ACSL3: variants seen among roughly 807,000 people sequenced by gnomAD.
ACSL3 encodes the protein fatty acid CoA ligase Acsl3.
In ACSL3, 34 loss-of-function variants were observed where a neutral mutation model predicts 84.7. The ratio of observed to expected loss-of-function variants is 0.40; its 90% CI spans 0.31 to 0.53. The LOEUF (loss-of-function observed/expected upper bound fraction) is 0.53. Ranked by LOEUF, ACSL3 falls within the 20% of genes least tolerant of loss-of-function variation. The pLI is 0.48. For missense variants in ACSL3, 680 were observed against 873.1 expected (o/e 0.78, Z 2.79); for synonymous variants, 315 against 299.4 (o/e 1.05, Z -0.54).
At chr2:222,903,666 A>C (rs1466577094) in intron 3 of ACSL3, among the ~76,000 whole-genome samples, 2 of 152,356 alleles carry the variant, frequency 1.3e-5, no homozygotes, top group Admixed American at 6.5e-5. Context: ...CAATGGAATA[A>C]ATTTAAACTA....
Position 222,928,120 on chromosome 2 carries a change from T to C in ACSL3, c.1466-742T>C, listed in dbSNP as rs77632570. 6.4e-4 allele frequency among the ~76,000 whole-genome samples: 98 copies of C among 152,380 alleles called. 3 individuals carry two copies. The East Asian group carries it at 0.017, about 27-fold the overall frequency. The stretch of plus-strand genomic sequence containing the variant: ...ATGTTAAATATCAGCCTTTCATTTC[T>C]GATATTTGGTCTTTGAAGAGGAAAC... On this transcript the variant is annotated intron_variant, in intron 12 of 16. Coordinates refer to ENST00000357430, the MANE Select transcript of ACSL3 (RefSeq NM_004457.5).
At position 222,907,116 on chromosome 2, in the gene ACSL3, G is replaced by T. The variant is rs75028057; in HGVS notation, c.-40-1617G>T. ...TTATAGTTATATCTGTTCTGTGAGT[G>T]GTCTACTAGGCCATCAATGTACCCA... On this transcript the variant is annotated intron_variant, in intron 3 of 16. Transcript: ENST00000357430. 3.1e-3 allele frequency among the ~76,000 whole-genome samples: 471 copies of T among 152,242 alleles called. 3 individuals carry two copies. Among genetic ancestry groups the T allele is most frequent in the African/African-American group, 0.011 (457 of 41,540 alleles).
chr2:222,910,479 T>C (rs903605341), intron 4 of ACSL3, among the ~76,000 whole-genome samples: 7 of 152,170 alleles, frequency 4.6e-5, no homozygotes, highest in African/African-American at 1.7e-4. Context: ...TCCAAATAAC[T>C]GCAACTATGG....
At position 222,944,281 on chromosome 2, in the gene ACSL3, A is replaced by C. The variant is rs1407707114; in HGVS notation, c.*2627A>C. The C allele has an allele frequency of 6.6e-6, 1 of 152,140 alleles. No individual in the cohort carries two copies. The highest frequency in any genetic ancestry group is 2.4e-5 in the African/African-American group (1 of 41,442). The allele number at this position is 152,140 out of a possible 1,614,324, so 9.4% of individuals were successfully genotyped here. On this transcript the variant is annotated 3_prime_UTR_variant, in exon 17 of 17. Coordinates refer to ENST00000357430, the MANE Select transcript of ACSL3 (RefSeq NM_004457.5). ...TTACTTGTTTGCTGCTAAAATACTC[A>C]AGATTTTGCCATTTTTAAACAACCA... is the stretch of plus-strand genomic sequence containing the variant.
At chr2:222,935,577 C>A (rs549996471) in intron 16 of ACSL3, among the ~76,000 whole-genome samples, 1 of 152,130 alleles carries the variant, frequency 6.6e-6, no homozygotes, top group Non-Finnish European at 1.5e-5. Context: ...TAAGTCAGCC[C>A]TGTGGTACAT....
At chr2:222,941,426 G>A in intron 16 of ACSL3, 71 bp from the exon 17 acceptor site, 1 of 1,335,620 alleles carries the variant, frequency 7.5e-7, no homozygotes. Flanking sequence ...TACGCAAAAA[G>A]TGGGGAAGTT....
chr2:222,883,214 C>G (rs1414662059), intron 1 of ACSL3, among the ~76,000 whole-genome samples: 2 of 130,194 alleles, frequency 1.5e-5, no homozygotes, highest in Admixed American at 1.6e-4. Context: ...AAGTTTTGCT[C>G]TTGTTGCCCA....
Position 222,894,733 on chromosome 2 carries a change from C to T in ACSL3, c.-147-5941C>T, listed in dbSNP as rs538871625. Among the ~76,000 whole-genome samples the T allele has an allele frequency of 7.9e-5, 12 of 152,228 alleles. No individual in the cohort carries two copies. The South Asian group carries it at 1.5e-3, about 18-fold the overall frequency. On this transcript the variant is annotated intron_variant, in intron 2 of 16. Coordinates refer to ENST00000357430, the MANE Select transcript of ACSL3 (RefSeq NM_004457.5). Reference sequence around the variant, plus strand: ...AGTCAGGCATGAAGCCAGGCATGCCCGTGTATACATTCTTCTCAGTTGGCA... The same window carrying T: ...AGTCAGGCATGAAGCCAGGCATGCCTGTGTATACATTCTTCTCAGTTGGCA...
At chr2:222,905,315 C>T (rs1466677641) in intron 3 of ACSL3, among the ~76,000 whole-genome samples, 4 of 152,082 alleles carry the variant, frequency 2.6e-5, no homozygotes, top group Non-Finnish European at 5.9e-5. Flanking sequence ...TGTGCACCAC[C>T]ACACCCTGCT....
At chr2:222,916,944 G>T (rs1696598732) in intron 5 of ACSL3, among the ~76,000 whole-genome samples, 1 of 151,992 alleles carries the variant, frequency 6.6e-6, no homozygotes, top group Non-Finnish European at 1.5e-5. Context: ...AATTGTGGTG[G>T]CTCAGTCTGT....
chr2:222,924,418 TATTATTAACTATGTTAAACTC>T lies in ACSL3; in HGVS notation c.1153-34_1153-14del. ...CTAAGTGAATATGTAAGGCAGCTGT[TATTATTAACTATGTTAAACTC>T]ATTTTTATACATTTAGGAAATCATG... On this transcript the variant is annotated splice_polypyrimidine_tract_variant and intron_variant, in intron 10 of 16. Coordinates refer to ENST00000357430, the MANE Select transcript of ACSL3 (RefSeq NM_004457.5). 2.0e-6 allele frequency: 3 copies of T among 1,512,452 alleles called. No homozygotes were observed. The highest frequency in any genetic ancestry group is 2.7e-6 in the Non-Finnish European group (3 of 1,125,582). The allele number at this position is 1,512,452 out of a possible 1,614,324, so 93.7% of individuals were successfully genotyped here. A position where few individuals can be genotyped will look rare whatever the true frequency, so the allele number is the denominator to read the frequency against.
At chr2:222,883,624 G>A (rs116682829) in intron 1 of ACSL3, among the ~76,000 whole-genome samples, 65 of 152,238 alleles carry the variant, frequency 4.3e-4, no homozygotes, top group Non-Finnish European at 7.9e-4. Context: ...GTATTTATCA[G>A]CTCTGGGATA....
At chr2:222,890,691 A>G (rs1695824737) in intron 2 of ACSL3, among the ~76,000 whole-genome samples, 1 of 152,060 alleles carries the variant, frequency 6.6e-6, no homozygotes, top group South Asian at 2.1e-4. Context: ...GCCCAGGCTG[A>G]GGTGCAGTGG....
chr2:222,922,934 T>G, intron 9 of ACSL3, 103 bp downstream of exon 9: 1 of 1,498,980 alleles, frequency 6.7e-7, no homozygotes, highest in South Asian at 1.2e-5. Context: ...GATGGTTCAT[T>G]TTAAAATGAG....
At position 222,906,618 on chromosome 2, in the gene ACSL3, A is replaced by AT. The variant is rs35845392; in HGVS notation, c.-40-2099dup. On this transcript the variant is annotated intron_variant, in intron 3 of 16. Transcript: ENST00000357430. ...CTGCTGTCACAGAACTACCAGCCTC[A>AT]TTTTTTTTTTTTTTTTAGATGGAAT... is the stretch of plus-strand genomic sequence containing the variant. Among the ~76,000 whole-genome samples the AT allele has an allele frequency of 1.1e-3, 150 of 142,372 alleles. 1 individual carries two copies. Among genetic ancestry groups the AT allele is most frequent in the African/African-American group, 1.6e-3 (63 of 38,806 alleles). The allele number at this position is 142,372 out of a possible 152,430, so 93.4% of individuals were successfully genotyped here. A position where few individuals can be genotyped will look rare whatever the true frequency, so the allele number is the denominator to read the frequency against.
At chr2:222,893,123 G>C (rs1285906547) in intron 2 of ACSL3, among the ~76,000 whole-genome samples, 2 of 152,156 alleles carry the variant, frequency 1.3e-5, no homozygotes, top group Non-Finnish European at 2.9e-5. Flanking sequence ...AGATTGAGTG[G>C]TGGGCAGGAT....
chr2:222,893,524 C>A (rs1695891917), intron 2 of ACSL3, among the ~76,000 whole-genome samples: 1 of 152,066 alleles, frequency 6.6e-6, no homozygotes, highest in Admixed American at 6.5e-5. Context: ...ATCTCTCTTG[C>A]GCCTAAGAGA....
chr2:222,889,400 C>A (rs1388888609), intron 2 of ACSL3, among the ~76,000 whole-genome samples: 3 of 152,072 alleles, frequency 2.0e-5, no homozygotes, highest in Non-Finnish European at 4.4e-5. Context: ...GTTAACTGTG[C>A]GATGAAGTAA....
chr2:222,938,986 A>G (rs932214493), intron 16 of ACSL3, among the ~76,000 whole-genome samples: 1 of 151,400 alleles, frequency 6.6e-6, no homozygotes, highest in African/African-American at 2.4e-5. Context: ...TTTCATTTAT[A>G]CTTTCATTTT....
Sources: allele counts gnomAD v4.1 joint callset (sites outside exome capture counted in the v4.1 genomes callset), GRCh38; gene constraint gnomAD v4.1.1; transcripts MANE v1.5; gene names NCBI Gene and HGNC (gene_info 2026-07-23, HGNC 2026-07-21).